Variants in SLX4 observed in about 807,000 individuals in gnomAD.
The protein encoded by SLX4 is structure-specific endonuclease subunit SLX4.
In SLX4, 112 loss-of-function variants were observed where a neutral mutation model predicts 146.2. The ratio of observed to expected loss-of-function variants is 0.77; its 90% CI spans 0.66 to 0.90. The LOEUF (loss-of-function observed/expected upper bound fraction) is 0.90. Ranked by LOEUF, SLX4 falls within the 40% of genes least tolerant of loss-of-function variation. The pLI is 0.00. For missense variants in SLX4, 2,563 were observed against 2,392.7 expected (o/e 1.07, Z -1.49); for synonymous variants, 1,061 against 997.7 (o/e 1.06, Z -1.20).
chr16:3,598,785 C>T (rs1325976954), intron 5 of SLX4, among the ~76,000 whole-genome samples: 1 of 152,340 alleles, frequency 6.6e-6, no homozygotes, highest in Admixed American at 6.5e-5. Context: ...ATAATCACAG[C>T]CTCCCAGAGG....
At chr16:3,598,030 G>T (rs1567174410) in intron 5 of SLX4, 31 bp from the exon 6 acceptor site, 15 of 1,613,454 alleles carry the variant, frequency 9.3e-6, no homozygotes, top group Non-Finnish European at 1.3e-5. Flanking sequence ...AAAGTTACTG[G>T]GGCTAGAGGA....
rs1234570851 is a variant in SLX4 at position 3,589,285 on chromosome 16, G to A, written c.4353C>T (p.Thr1451=). 6.3e-7 allele frequency: 1 copy of A among 1,591,518 alleles called. No homozygotes were observed. The highest frequency in any genetic ancestry group is 2.2e-5 in the East Asian group (1 of 44,626). The change falls in exon 12 of 15, where the codon ACC becomes ACT. Residue 1451 remains threonine, a synonymous_variant. Transcript: ENST00000294008. This position sits in a 1 kb window ranked among gnomAD's most constrained non-coding sequence, Gnocchi z 6.2. ...CGTTCATCCTGCGGCTGGGGCTGCT[G>A]GTGCTCAGGGGGCCGGTCCGCTCCA... ...WNLERTGPLS[T]SSPSRRMNEA...
chr16:3,582,775 G>A, intron 14 of SLX4, 82 bp from the exon 15 acceptor site: 2 of 1,278,252 alleles, frequency 1.6e-6, no homozygotes, highest in East Asian at 4.9e-5. Flanking sequence ...AGGAAGGAAG[G>A]TGTCTACGGG....
chr16:3,600,591 C>CTTTTTTTTTT (rs974875930), intron 5 of SLX4: 13 of 102,494 alleles, frequency 1.3e-4, no homozygotes, highest in African/African-American at 6.2e-4. Context: ...CTATAAAAAG[C>CTTTTTTTTTT]TTTTTTTTTT....
chr16:3,593,985 C>T (rs1372788334), intron 10 of SLX4, among the ~76,000 whole-genome samples: 5 of 152,146 alleles, frequency 3.3e-5, no homozygotes, highest in Non-Finnish European at 2.9e-5. Flanking sequence ...CATTCTCCTG[C>T]CTCAGCCTCC....
chr16:3,601,143 G>C lies in SLX4; in HGVS notation c.999C>G (p.Ile333Met). 1 of 1,614,094 alleles carries C rather than the reference G, an allele frequency of 6.2e-7. No individual in the cohort carries two copies. The change falls in exon 5 of 15, where the codon ATC becomes ATG. Residue 333 changes from isoleucine to methionine, a missense_variant. By Grantham distance (10) the Ile-to-Met change is conservative. Transcript: ENST00000294008. ...EKTLRPSVPQ[I>M]PECPICGKPF... ...GTTTCCCACAAATCGGGCACTCAGG[G>C]ATCTGAGGCACAGAAGGTCTTAGTG...
chr16:3,593,326 G>A (rs563606271), intron 10 of SLX4, among the ~76,000 whole-genome samples: 2 of 152,260 alleles, frequency 1.3e-5, no homozygotes, highest in South Asian at 4.1e-4. Context: ...CACCCTCCTC[G>A]GCCTCCCAAA....
Position 3,606,660 on chromosome 16 carries a change from A to C in SLX4, c.574T>G (p.Cys192Gly). The C allele has an allele frequency of 6.2e-7, 1 of 1,614,234 alleles. No individual in the cohort carries two copies. The highest frequency in any genetic ancestry group is 8.5e-7 in the Non-Finnish European group (1 of 1,180,054). Residue 192 changes from cysteine (C) to glycine (G), a missense_variant, in exon 3 of 15, where the codon TGT (cysteine) becomes GGT (glycine). Cys to Gly is a radical substitution (Grantham distance 159, BLOSUM62 -3). Coordinates refer to ENST00000294008, the MANE Select transcript of SLX4 (RefSeq NM_032444.4). ...GGACTTGGCACTGCTGTTGTCAAAC[A>C]GGAAGGAGGAGGCTGGGAGTCGCTG... is the stretch of plus-strand genomic sequence containing the variant. ...PNSDSQPPPS[C>G]LTTAVPSPSK...
At chr16:3,584,581 C>T (rs142368314) in intron 13 of SLX4, among the ~76,000 whole-genome samples, 188 bp downstream of exon 13, 179 of 152,276 alleles carry the variant, frequency 1.2e-3, no homozygotes, top group African/African-American at 3.3e-3. Context: ...AGGCTCACCC[C>T]GGCACCCAGC....
chr16:3,606,638 C>G lies in SLX4; in HGVS notation c.596G>C (p.Ser199Thr), dbSNP rs1461558400. ...PPSCLTTAVP[S>T]PSKPRTAQLV... ...TTGTGCTGTGCGGGGTTTGGAGGGA[C>G]TTGGCACTGCTGTTGTCAAACAGGA... is the stretch of plus-strand genomic sequence containing the variant. Residue 199 changes from serine to threonine, a missense_variant, in exon 3 of 15, where the codon AGT (serine) becomes ACT (threonine). By Grantham distance (58) the Ser-to-Thr change is moderately conservative (BLOSUM62 1). Transcript: ENST00000294008. 1.5e-5 allele frequency: 25 copies of G among 1,614,066 alleles called. No individual in the cohort carries two copies. Among genetic ancestry groups the G allele is most frequent in the Non-Finnish European group, 2.1e-5 (25 of 1,180,044 alleles).
At position 3,609,129 on chromosome 16, in the gene SLX4, C is replaced by T. The variant is rs558880648; in HGVS notation, c.-165G>A. 248 of 789,166 alleles carry T rather than the reference C, an allele frequency of 3.1e-4. 5 individuals carry two copies. The South Asian group carries it at 3.8e-3, about 12-fold the overall frequency. 48.9% of individuals were successfully genotyped at this position (789,166 alleles called of 1,614,324 possible). On this transcript the variant is annotated 5_prime_UTR_variant, in exon 2 of 15. Coordinates refer to ENST00000294008, the MANE Select transcript of SLX4 (RefSeq NM_032444.4). ...TGTTAAAGTCCACAACTGGGCCGGGCGCGGTGGCTCACACTTGTAATCCCA... is the reference window on the plus strand; with the variant it reads ...TGTTAAAGTCCACAACTGGGCCGGGTGCGGTGGCTCACACTTGTAATCCCA...
rs1415698897 is a variant in SLX4 at position 3,590,065 on chromosome 16, C to G, written c.3573G>C (p.Leu1191=). ...CTGCATCAACATCAATGATGGAAAACAGCTCACAGGACCTAGGGCTAATTT... is the reference window on the plus strand; with the variant it reads ...CTGCATCAACATCAATGATGGAAAAGAGCTCACAGGACCTAGGGCTAATTT... ...ALEISPRSCE[L]FSIIDVDADQ... The change falls in exon 12 of 15, where the codon CTG becomes CTC. Residue 1191 remains leucine, a synonymous_variant. Coordinates refer to ENST00000294008, the MANE Select transcript of SLX4 (RefSeq NM_032444.4). The surrounding 1 kb of genome is among the most constrained non-coding windows in gnomAD (Gnocchi z 4.8). 2.5e-6 allele frequency: 4 copies of G among 1,614,186 alleles called. No individual in the cohort carries two copies. Among genetic ancestry groups the G allele is most frequent in the Non-Finnish European group, 2.5e-6 (3 of 1,180,040 alleles).
At position 3,608,480 on chromosome 16, in the gene SLX4, G is replaced by T; in HGVS notation, c.485C>A (p.Thr162Lys). ...VLRETAQNTQTGNQQEPSPNL... is the reference protein window; with the variant it reads ...VLRETAQNTQKGNQQEPSPNL... ...TGGCGATGGTTCTTGCTGGTTACCC[G>T]TCTGGGTGTTTTGTGCTGTTTCCCG... The change falls in exon 2 of 15, where the codon ACG becomes AAG. Residue 162 changes from threonine to lysine, a missense_variant. Coordinates refer to ENST00000294008, the MANE Select transcript of SLX4 (RefSeq NM_032444.4). 1 of 1,614,172 alleles carries T rather than the reference G, an allele frequency of 6.2e-7. No homozygotes were observed. Among genetic ancestry groups the T allele is most frequent in the Admixed American group, 1.7e-5 (1 of 60,004 alleles).
intron 11 of SLX4, among the ~76,000 whole-genome samples, chr16:3,591,580 C>T (rs907526174): frequency 6.6e-6 from 1 of 152,136 alleles, no homozygotes; most frequent in Non-Finnish European, 1.5e-5. Flanking sequence ...TGTAAGGTAA[C>T]AGGGATTGGC....
Position 3,606,458 on chromosome 16 carries a change from A to G in SLX4, c.760+16T>C. On this transcript the variant is annotated intron_variant, in intron 3 of 14. Coordinates refer to ENST00000294008, the MANE Select transcript of SLX4 (RefSeq NM_032444.4). Reference sequence around the variant, plus strand: ...AACTTATCTCTGTGTGGAAGACAGAAACACACTCATCATACCATTCCCCGC... The same window carrying G: ...AACTTATCTCTGTGTGGAAGACAGAGACACACTCATCATACCATTCCCCGC... 2 of 1,613,194 alleles carry G rather than the reference A, an allele frequency of 1.2e-6. No homozygotes were observed. Among genetic ancestry groups the G allele is most frequent in the South Asian group, 1.1e-5 (1 of 91,064 alleles).
At chr16:3,594,713 G>T in intron 9 of SLX4, 114 bp from the exon 10 acceptor site, 1 of 1,407,124 alleles carries the variant, frequency 7.1e-7, no homozygotes, top group Non-Finnish European at 9.9e-7. Context: ...GCCAGGACCT[G>T]CATTCTCCTT....
intron 1 of SLX4, among the ~76,000 whole-genome samples, chr16:3,611,037 C>T (rs1295383824): frequency 6.6e-6 from 1 of 152,164 alleles, no homozygotes; most frequent in African/African-American, 2.4e-5. Flanking sequence ...CTATAGGTGC[C>T]CAGTCAAGAT....
chr16:3,608,967 G>C lies in SLX4; in HGVS notation c.-3C>G. 3.1e-6 allele frequency: 5 copies of C among 1,612,100 alleles called. No homozygotes were observed. The highest frequency in any genetic ancestry group is 3.4e-6 in the Non-Finnish European group (4 of 1,179,942). The stretch of plus-strand genomic sequence containing the variant: ...GCCTCATTCACACTCAGTTTCATTA[G>C]GGTTCTTCTCTACTTCTCCATTAGA... On this transcript the variant is annotated 5_prime_UTR_variant, in exon 2 of 15. Transcript: ENST00000294008.
In SLX4 at chr16:3,606,604, T is replaced by C. The variant is rs746155183; in HGVS notation, c.630A>G (p.Leu210=). The C allele has an allele frequency of 3.6e-5, 58 of 1,614,084 alleles. 1 individual carries two copies. In the East Asian group the frequency reaches 1.2e-3, roughly 35 times the overall value. ...CTCTCTTGAACTGCTGCATTCGCTG[T>C]AGGACCAATTGTGCTGTGCGGGGTT... ...PSKPRTAQLV[L]QRMQQFKRAD... Residue 210 remains leucine, a synonymous_variant, in exon 3 of 15, where the codon CTA becomes CTG. Transcript: ENST00000294008.
Sources: allele counts gnomAD v4.1 joint callset (sites outside exome capture counted in the v4.1 genomes callset), GRCh38; gene constraint gnomAD v4.1.1; non-coding constraint Gnocchi (gnomAD v3.1); transcripts MANE v1.5; gene names NCBI Gene and HGNC (gene_info 2026-07-23, HGNC 2026-07-21).